The following DMD variants were observed in gnomAD, a reference collection of about 807,000 sequenced individuals.
The protein encoded by DMD is dystrophin.
A neutral mutation model predicts 330.1 loss-of-function variants in DMD; 63 were observed. That is an observed-to-expected ratio of 0.19 (90% CI 0.16 to 0.24). DMD has a LOEUF of 0.24. Ranked by LOEUF, DMD falls within the 10% of genes least tolerant of loss-of-function variation. The pLI, the probability that DMD is intolerant of heterozygous loss-of-function variation, is 1.00. For missense variants in DMD, 3,344 were observed against 2,684.1 expected (o/e 1.25, Z -5.43); for synonymous variants, 1,223 against 959.8 (o/e 1.27, Z -5.07).
chrX:32,429,070 T>C (rs5972564), intron 29 of DMD, among the ~76,000 whole-genome samples: 2,459 of 111,374 alleles, frequency 0.022, 65 homozygotes, highest in African/African-American at 0.074. Flanking sequence ...GATATATGTG[T>C]CTTTATGTAT....
intron 2 of DMD, among the ~76,000 whole-genome samples, chrX:32,921,175 A>G (rs1244859410): frequency 3.6e-5 from 4 of 112,015 alleles, no homozygotes; most frequent in Non-Finnish European, 1.9e-5. Flanking sequence ...TCAAACAATT[A>G]GCTATAGTGA....
intron 1 of DMD, among the ~76,000 whole-genome samples, chrX:33,190,649 G>C (rs1410086671): frequency 3.8e-5 from 1 of 26,215 alleles, no homozygotes; most frequent in African/African-American, 6.6e-5. Context: ...CACCGCGCCC[G>C]GCTAATTTTT....
chrX:32,384,544 A>G (rs2097945439), intron 33 of DMD, among the ~76,000 whole-genome samples: 1 of 111,188 alleles, frequency 9.0e-6, no homozygotes, highest in South Asian at 3.7e-4. Context: ...ACAAATATTA[A>G]TTAGAGGGTT....
chrX:32,883,844 A>G (rs1359510948), intron 2 of DMD, among the ~76,000 whole-genome samples: 2 of 105,445 alleles, frequency 1.9e-5, no homozygotes, highest in Non-Finnish European at 3.9e-5. Context: ...AAAAAAAAAA[A>G]AAAAAAAGAA....
chrX:31,516,107 C>T (rs2072165332), intron 55 of DMD, among the ~76,000 whole-genome samples: 1 of 110,764 alleles, frequency 9.0e-6, no homozygotes. Flanking sequence ...ATTATGAAGA[C>T]ATAAGAACAG....
intron 37 of DMD, among the ~76,000 whole-genome samples, chrX:32,356,834 G>A (rs1451615996): frequency 9.0e-6 from 1 of 111,648 alleles, no homozygotes; most frequent in Admixed American, 9.5e-5. Context: ...TTATTTTGCA[G>A]CTAAGTATTA....
chrX:33,165,405 G>T (rs2049000795), intron 1 of DMD, among the ~76,000 whole-genome samples: 1 of 111,499 alleles, frequency 9.0e-6, no homozygotes, highest in Admixed American at 9.6e-5. Flanking sequence ...CTCTTTGGTG[G>T]CTTGAGGAAA....
chrX:31,223,189 C>G, intron 63 of DMD, 68 bp from the exon 64 acceptor site: 1 of 986,126 alleles, frequency 1.0e-6, no homozygotes, highest in Non-Finnish European at 1.4e-6. Flanking sequence ...ACCCCCGACG[C>G]CCAGTGATTT....
chrX:33,129,048 TA>T (rs2095481946), intron 1 of DMD: 1 of 112,218 alleles, frequency 8.9e-6, no homozygotes, highest in African/African-American at 3.2e-5. Flanking sequence ...TATTTGAAGT[TA>T]AACCTTGAAT....
chrX:32,771,487 A>G (rs2073590314), intron 7 of DMD, among the ~76,000 whole-genome samples: 1 of 98,375 alleles, frequency 1.0e-5, no homozygotes, highest in Non-Finnish European at 2.0e-5. Flanking sequence ...CAAATTCCCT[A>G]ATCCCATTTT....
At chrX:32,515,860 C>A (rs1603635283) in intron 18 of DMD, among the ~76,000 whole-genome samples, 1 of 111,291 alleles carries the variant, frequency 9.0e-6, no homozygotes, top group South Asian at 3.8e-4. Flanking sequence ...TTAGAAAGGT[C>A]CCCCAGAAGT....
intron 44 of DMD, among the ~76,000 whole-genome samples, chrX:32,024,844 A>C (rs17270765): frequency 0.14 from 15,434 of 111,428 alleles, 1,089 homozygotes; most frequent in African/African-American, 0.26. Context: ...GCTGAAATGA[A>C]TATGAACAGA....
chrX:31,800,589 C>A (rs1001785593), intron 50 of DMD, among the ~76,000 whole-genome samples: 1 of 112,369 alleles, frequency 8.9e-6, no homozygotes, highest in African/African-American at 3.2e-5. Context: ...ATTGTCTTGG[C>A]GCTTAACATT....
chrX:33,271,753 G>A (rs373867040), intron 1 of DMD, among the ~76,000 whole-genome samples: 4 of 92,182 alleles, frequency 4.3e-5, no homozygotes, highest in Non-Finnish European at 8.4e-5. Context: ...GCGACAAAGC[G>A]AGACTCTGTC....
chrX:31,688,025 C>A lies in DMD; in HGVS notation c.7661-8439G>T, dbSNP rs1456366900. ...TTAAGGCCAATAACTCTTAGATTGA[C>A]CCTTTTGAGGCTATTTTCTGGATCT... On this transcript the variant is annotated intron_variant, in intron 52 of 78. Coordinates refer to ENST00000357033, the MANE Select transcript of DMD (RefSeq NM_004006.3). 2.7e-5 allele frequency among the ~76,000 whole-genome samples: 3 copies of A among 110,944 alleles called. No individual in the cohort carries two copies. In the Admixed American group the frequency reaches 2.9e-4, roughly 11 times the overall value.
In DMD at chrX:32,348,518, G is replaced by T; in HGVS notation, c.5336C>A (p.Pro1779His). The change falls in exon 38 of 79, where the codon CCT becomes CAT. Residue 1779 changes from proline (P) to histidine (H), a missense_variant. Transcript: ENST00000357033. ...HRIKTGKASI[P>H]LKELEQFNSD... ...GTTAAACTGCTCCAATTCCTTCAAA[G>T]GAATGGAGGCCTAAAAAAAAAGATA... 1.7e-6 allele frequency: 2 copies of T among 1,202,326 alleles called. No homozygotes were observed. Among genetic ancestry groups the T allele is most frequent in the East Asian group, 3.0e-5 (1 of 33,573 alleles).
chrX:31,925,168 T>C (rs967164973), intron 47 of DMD, among the ~76,000 whole-genome samples: 9 of 111,944 alleles, frequency 8.0e-5, no homozygotes, highest in African/African-American at 2.9e-4. Flanking sequence ...AAAACTCATA[T>C]AGTTTTTTTA....
chrX:32,948,161 G>A (rs1249077465), intron 2 of DMD, among the ~76,000 whole-genome samples: 1 of 107,528 alleles, frequency 9.3e-6, no homozygotes, highest in East Asian at 3.5e-4. Context: ...AGGGACGGAG[G>A]GAGAGAAAGT....
At chrX:32,532,419 T>C (rs1170677003) in intron 17 of DMD, among the ~76,000 whole-genome samples, 1 of 111,915 alleles carries the variant, frequency 8.9e-6, no homozygotes, top group Non-Finnish European at 1.9e-5. Context: ...TATTACAACA[T>C]AGCAAGGCGA....
Sources: gnomAD v4.1 joint callset for allele counts (sites outside exome capture counted in the v4.1 genomes callset) on GRCh38, gnomAD v4.1.1 for gene constraint, MANE v1.5 for transcripts, NCBI Gene and HGNC (gene_info 2026-07-23, HGNC 2026-07-21) for gene names.